The following SGCZ variants were observed in gnomAD, a reference collection of about 807,000 sequenced individuals.
SGCZ encodes zeta-sarcoglycan.
Under a neutral mutation model 41.3 loss-of-function variants are expected in SGCZ, and 40 were observed. The observed-to-expected ratio is 0.97, with a 90% CI of 0.75 to 1.26. The LOEUF (loss-of-function observed/expected upper bound fraction) is 1.26, where lower values mean the gene tolerates loss of function less well. SGCZ is among the 50% of genes most tolerant of loss of function. The pLI is 0.00. For synonymous variants in SGCZ, 206 were observed against 137.5 expected (o/e 1.50, Z -3.49); for missense variants, 552 against 369.8 (o/e 1.49, Z -4.04).
chr8:15,087,634 G>A (rs971145553), intron 1 of SGCZ, among the ~76,000 whole-genome samples: 2 of 152,120 alleles, frequency 1.3e-5, no homozygotes, highest in African/African-American at 2.4e-5. Flanking sequence ...CGAAAAAAAT[G>A]ACAGTGTTTA....
chr8:14,379,323 G>T (rs1438653977), intron 2 of SGCZ, among the ~76,000 whole-genome samples: 3 of 152,110 alleles, frequency 2.0e-5, no homozygotes, highest in Non-Finnish European at 4.4e-5. Flanking sequence ...AGCCTTCATA[G>T]ATTTCACAAA....
intron 7 of SGCZ, among the ~76,000 whole-genome samples, chr8:14,096,546 G>C (rs2116965463): frequency 6.6e-6 from 1 of 152,182 alleles, no homozygotes; most frequent in East Asian, 1.9e-4. Flanking sequence ...GTTCATCAGG[G>C]ATGTTGGCCT....
At chr8:15,074,552 T>C (rs17609060) in intron 1 of SGCZ, among the ~76,000 whole-genome samples, 13,180 of 152,194 alleles carry the variant, frequency 0.087, 736 homozygotes, top group East Asian at 0.28. Flanking sequence ...ACGGGGTACA[T>C]TCTAAGCTCC....
At chr8:15,022,013 C>T (rs1803269422) in intron 1 of SGCZ, among the ~76,000 whole-genome samples, 2 of 152,210 alleles carry the variant, frequency 1.3e-5, no homozygotes, top group East Asian at 1.9e-4. Context: ...TTACCTTTCA[C>T]ATTTTGCCCT....
chr8:14,963,775 G>T (rs6990445), intron 1 of SGCZ, among the ~76,000 whole-genome samples: 141,390 of 152,278 alleles, frequency 0.93, 65,828 homozygotes, highest in East Asian at 0.99. Flanking sequence ...CCTTTCAGCC[G>T]TATTCAAATT....
chr8:14,798,325 C>T (rs1801205567), intron 1 of SGCZ, among the ~76,000 whole-genome samples: 1 of 152,110 alleles, frequency 6.6e-6, no homozygotes, highest in African/African-American at 2.4e-5. Flanking sequence ...CCACGGTTAC[C>T]ACTTCTTTTA....
chr8:14,463,100 T>G (rs1800948754), intron 2 of SGCZ, among the ~76,000 whole-genome samples: 1 of 151,740 alleles, frequency 6.6e-6, no homozygotes, highest in Non-Finnish European at 1.5e-5. Flanking sequence ...CTTTAGGGCT[T>G]TCTATATTTA....
intron 2 of SGCZ, among the ~76,000 whole-genome samples, chr8:14,377,175 G>C (rs1042234349): frequency 3.3e-5 from 5 of 152,202 alleles, no homozygotes; most frequent in Non-Finnish European, 5.9e-5. Context: ...AGGGAGAAGA[G>C]AGGGACTTGA....
At chr8:14,325,850 C>G (rs1220319360) in intron 2 of SGCZ, among the ~76,000 whole-genome samples, 1 of 145,040 alleles carries the variant, frequency 6.9e-6, no homozygotes, top group African/African-American at 2.5e-5. Context: ...GTGGCTCATG[C>G]CTGTAAAATC....
chr8:14,568,126 T>C (rs566740247), intron 1 of SGCZ, among the ~76,000 whole-genome samples: 1 of 151,840 alleles, frequency 6.6e-6, no homozygotes, highest in African/African-American at 2.4e-5. Context: ...CAGCAAACTA[T>C]CACAGGAACA....
At chr8:15,115,254 A>C (rs1315089406) in intron 1 of SGCZ, among the ~76,000 whole-genome samples, 1 of 152,128 alleles carries the variant, frequency 6.6e-6, no homozygotes. Flanking sequence ...AACATAGAAG[A>C]GGCACGTTTG....
rs73521079 is a variant in SGCZ at position 15,035,812 on chromosome 8, T to G, written c.39+201773A>C. ...CAATTATTAATATATATGCACTTAA[T>G]ATTGGAGCACCTAAATATATCAAGC... is the stretch of plus-strand genomic sequence containing the variant. On this transcript the variant is annotated intron_variant, in intron 1 of 7. Coordinates refer to ENST00000382080, the MANE Select transcript of SGCZ (RefSeq NM_139167.4). Among the ~76,000 whole-genome samples the G allele has an allele frequency of 1.5e-3, 227 of 152,256 alleles. 1 individual carries two copies. Among genetic ancestry groups the G allele is most frequent in the African/African-American group, 5.0e-3 (207 of 41,586 alleles).
rs372898079 is a variant in SGCZ at position 14,102,386 on chromosome 8, G to T, written c.734C>A (p.Thr245Lys). 1 of 1,512,952 alleles carries T rather than the reference G, an allele frequency of 6.6e-7. No individual in the cohort carries two copies. Among genetic ancestry groups the T allele is most frequent in the Middle Eastern group, 1.9e-4 (1 of 5,386 alleles). 93.7% of individuals were successfully genotyped at this position (1,512,952 alleles called of 1,614,324 possible). Reference sequence around the variant, plus strand: ...CTTTCTGGGACTCACCTCCCCTTCTGTAGATTGCAGATGGAGCTCCTTCCT... The same window carrying T: ...CTTTCTGGGACTCACCTCCCCTTCTTTAGATTGCAGATGGAGCTCCTTCCT... ...TCRKELHLQS[T>K]EGEIFLNAET... is the part of the protein sequence containing the mutation. Residue 245 changes from threonine to lysine, a missense_variant, in exon 7 of 8, where the codon ACA becomes AAA. Transcript: ENST00000382080.
intron 1 of SGCZ, among the ~76,000 whole-genome samples, chr8:14,887,814 T>C (rs772965734): frequency 2.6e-5 from 4 of 152,188 alleles, no homozygotes; most frequent in Admixed American, 6.6e-5. Context: ...GCCTGGCTTA[T>C]CTCATTTTCC....
intron 2 of SGCZ, among the ~76,000 whole-genome samples, chr8:14,506,203 A>G (rs888779153): frequency 6.6e-6 from 1 of 151,840 alleles, no homozygotes; most frequent in Non-Finnish European, 1.5e-5. Flanking sequence ...AAACAAACAG[A>G]AACAAAAAAA....
chr8:14,712,758 G>A (rs1438677474), intron 1 of SGCZ, among the ~76,000 whole-genome samples: 2 of 152,122 alleles, frequency 1.3e-5, no homozygotes, highest in East Asian at 1.9e-4. Flanking sequence ...TAACTCAGAC[G>A]CAACATCTCT....
intron 2 of SGCZ, among the ~76,000 whole-genome samples, chr8:14,451,150 G>T (rs548001775): frequency 6.6e-6 from 1 of 152,062 alleles, no homozygotes; most frequent in Non-Finnish European, 1.5e-5. Flanking sequence ...AAGTATTCAG[G>T]GATATATAAA....
chr8:14,713,595 T>C (rs938989100), intron 1 of SGCZ, among the ~76,000 whole-genome samples: 4 of 151,756 alleles, frequency 2.6e-5, no homozygotes, highest in Non-Finnish European at 4.4e-5. Context: ...TACGAAGAAC[T>C]GTGATTAATG....
At chr8:14,645,379 C>A (rs1807173490) in intron 1 of SGCZ, among the ~76,000 whole-genome samples, 1 of 149,574 alleles carries the variant, frequency 6.7e-6, no homozygotes, top group Non-Finnish European at 1.5e-5. Flanking sequence ...TTTTGTAACA[C>A]ATGCTGGCGT....
Sources: gnomAD v4.1 joint callset for allele counts (sites outside exome capture counted in the v4.1 genomes callset) on GRCh38, gnomAD v4.1.1 for gene constraint, MANE v1.5 for transcripts, NCBI Gene and HGNC (gene_info 2026-07-23, HGNC 2026-07-21) for gene names.